GOLGA3: variants seen among roughly 807,000 people sequenced by gnomAD.
GOLGA3 encodes golgin subfamily A member 3.
A neutral mutation model predicts 169.4 loss-of-function variants in GOLGA3; 75 were observed. That is an observed-to-expected ratio of 0.44 (90% CI 0.37 to 0.54). The LOEUF (loss-of-function observed/expected upper bound fraction) is 0.54, where lower values mean the gene tolerates loss of function less well. Ranked by LOEUF, GOLGA3 falls within the 20% of genes least tolerant of loss-of-function variation. GOLGA3 has a pLI of 0.00. For missense variants in GOLGA3, 1,899 were observed against 1,930.0 expected (o/e 0.98, Z 0.30); for synonymous variants, 824 against 822.4 (o/e 1.00, Z -0.03).
At chr12:132,816,399 C>T in intron 3 of GOLGA3, 141 bp downstream of exon 3, 1 of 769,662 alleles carries the variant, frequency 1.3e-6, no homozygotes, top group South Asian at 1.7e-5. Context: ...GCTAAACTCA[C>T]AGCCCCACGT....
Position 132,804,771 on chromosome 12 carries a change from C to A in GOLGA3, c.1542G>T (p.Arg514Ser). The change falls in exon 7 of 24, where the codon AGG becomes AGT. Residue 514 changes from arginine (R) to serine (S), a missense_variant. Arg to Ser is a moderately radical substitution (Grantham distance 110). Coordinates refer to ENST00000450791, the MANE Select transcript of GOLGA3 (RefSeq NM_001389683.1). The surrounding 1 kb of genome is among the most constrained non-coding windows in gnomAD (Gnocchi z 4.1). Reference protein sequence around the residue: ...DLQVAEEQYQRLMAKVEDMQR... With the variant: ...DLQVAEEQYQSLMAKVEDMQR... The stretch of plus-strand genomic sequence containing the variant: ...GCATGTCCTCTACCTTGGCCATAAG[C>A]CTCTGGTACTGCTCCTCGGCCACCT... 6.2e-7 allele frequency: 1 copy of A among 1,614,234 alleles called. No individual in the cohort carries two copies. The highest frequency in any genetic ancestry group is 8.5e-7 in the Non-Finnish European group (1 of 1,180,036).
chr12:132,798,512 C>A, intron 8 of GOLGA3, 35 bp from the exon 9 acceptor site: 1 of 1,576,814 alleles, frequency 6.3e-7, no homozygotes, highest in South Asian at 1.2e-5. Context: ...AAAAGTTGCT[C>A]AATTTCAAGC....
intron 4 of GOLGA3, among the ~76,000 whole-genome samples, chr12:132,810,120 C>T (rs1427043115): frequency 1.3e-5 from 2 of 152,124 alleles, no homozygotes; most frequent in Non-Finnish European, 2.9e-5. Context: ...TGGTGGCACA[C>T]ACCTGTAATC....
At position 132,804,482 on chromosome 12, in the gene GOLGA3, G is replaced by A. The variant is rs756328256; in HGVS notation, c.1597+234C>T. 2.6e-5 allele frequency among the ~76,000 whole-genome samples: 4 copies of A among 152,190 alleles called. No homozygotes were observed. The highest frequency in any genetic ancestry group is 2.1e-4 in the South Asian group (1 of 4,822). On this transcript the variant is annotated intron_variant, in intron 7 of 23. Coordinates refer to ENST00000450791, the MANE Select transcript of GOLGA3 (RefSeq NM_001389683.1). The surrounding 1 kb of genome is among the most constrained non-coding windows in gnomAD (Gnocchi z 4.1). Reference sequence around the variant, plus strand: ...ACCCTCACAGGCACAGTCACATGCCGACAGAGCTGTCAGCACCAGGGAGGA... The same window carrying A: ...ACCCTCACAGGCACAGTCACATGCCAACAGAGCTGTCAGCACCAGGGAGGA...
rs770057395 is a variant in GOLGA3, at chr12:132,776,972, C to G, written c.3841G>C (p.Val1281Leu). The G allele has an allele frequency of 1.9e-6, 3 of 1,598,204 alleles. No homozygotes were observed. The highest frequency in any genetic ancestry group is 1.7e-5 in the Admixed American group (1 of 57,422). Reference sequence around the variant, plus strand: ...TGAACCGTCACCTCTTGGTTTCCCACGGGCTGTTTGCTGAGCTGCTCGTCC... The same window carrying G: ...TGAACCGTCACCTCTTGGTTTCCCAGGGGCTGTTTGCTGAGCTGCTCGTCC... ...QLDEQLSKQP[V>L]GNQEMENLKW... The change falls in exon 20 of 24, where the codon GTG (valine) becomes CTG (leucine). Residue 1281 changes from valine (V) to leucine (L), a missense_variant. Physicochemically the swap from Val to Leu is conservative, Grantham distance 32. Coordinates refer to ENST00000450791, the MANE Select transcript of GOLGA3 (RefSeq NM_001389683.1).
At chr12:132,810,953 GAAAGTACTA>G (rs1297729615) in intron 4 of GOLGA3, among the ~76,000 whole-genome samples, 1 of 152,216 alleles carries the variant, frequency 6.6e-6, no homozygotes, top group Admixed American at 6.5e-5. Context: ...CAAAATTAGT[GAAAGTACTA>G]AAAGTCTCTG....
chr12:132,812,535 A>C (rs1022512810), intron 4 of GOLGA3, among the ~76,000 whole-genome samples: 42 of 152,258 alleles, frequency 2.8e-4, no homozygotes, highest in African/African-American at 9.9e-4. Flanking sequence ...GAGGGGTCAA[A>C]ATATCAACAT....
At chr12:132,783,685 T>C (rs928480036) in intron 16 of GOLGA3, among the ~76,000 whole-genome samples, 56 of 152,192 alleles carry the variant, frequency 3.7e-4, no homozygotes, top group Non-Finnish European at 6.9e-4. Context: ...TCAAGCGGTT[T>C]ACCTGCCTCA....
intron 15 of GOLGA3, 113 bp downstream of exon 15, chr12:132,786,226 C>A: frequency 1.4e-6 from 1 of 698,354 alleles, no homozygotes; most frequent in Non-Finnish European, 2.4e-6. Flanking sequence ...AGAGTTGCCA[C>A]CTCCCACGCG....
chr12:132,821,491 C>T (rs1244412042), intron 2 of GOLGA3, among the ~76,000 whole-genome samples: 1 of 152,018 alleles, frequency 6.6e-6, no homozygotes, highest in Admixed American at 6.6e-5. Flanking sequence ...TGCTGCCCCA[C>T]ACGTTTAATG....
Position 132,807,256 on chromosome 12 carries a change from T to C in GOLGA3, c.1211A>G (p.Gln404Arg). Residue 404 changes from glutamine to arginine, a missense_variant, in exon 6 of 24, where the codon CAG becomes CGG. Transcript: ENST00000450791. ...TTTGAGCACCTGCAGCATCTCCTCC[T>C]GTGTTTCTGCTGCAGAGCTCTCCAA... ...VSLESSAAET[Q>R]EEMLQVLKEK... 1 of 1,589,048 alleles carries C rather than the reference T, an allele frequency of 6.3e-7. No homozygotes were observed. Among genetic ancestry groups the C allele is most frequent in the Non-Finnish European group, 8.6e-7 (1 of 1,165,832 alleles).
chr12:132,774,165 C>A lies in GOLGA3; in HGVS notation c.4299G>T (p.Gln1433His). The A allele has an allele frequency of 6.3e-7, 1 of 1,597,878 alleles. No individual in the cohort carries two copies. The highest frequency in any genetic ancestry group is 1.1e-5 in the South Asian group (1 of 89,900). ...EPLKNLNSCL[Q>H]QLKQEMDSLQ... Reference sequence around the variant, plus strand: ...ACGGAATACGGTCGTACTTGAGCTGCTGGAGGCAGCTGTTCAGGTTCTTGA... The same window carrying A: ...ACGGAATACGGTCGTACTTGAGCTGATGGAGGCAGCTGTTCAGGTTCTTGA... Residue 1433 changes from glutamine to histidine, a missense_variant, in exon 23 of 24, where the codon CAG (glutamine) becomes CAT (histidine). Transcript: ENST00000450791.
chr12:132,798,974 C>T (rs1224426266), intron 8 of GOLGA3, among the ~76,000 whole-genome samples: 3 of 152,206 alleles, frequency 2.0e-5, no homozygotes, highest in East Asian at 1.9e-4. Context: ...GCTGGCCAAG[C>T]GTCTCGTGAA....
chr12:132,816,429 G>T, intron 3 of GOLGA3, 111 bp downstream of exon 3: 3 of 1,111,542 alleles, frequency 2.7e-6, no homozygotes, highest in Non-Finnish European at 4.0e-6. Flanking sequence ...ATGGCACACG[G>T]CAGGCACAGG....
intron 6 of GOLGA3, among the ~76,000 whole-genome samples, chr12:132,806,060 C>T (rs1471714054): frequency 1.3e-5 from 2 of 152,212 alleles, no homozygotes; most frequent in African/African-American, 4.8e-5. Flanking sequence ...CGCCCCACCA[C>T]CTGCCCCCAC....
chr12:132,786,786 G>T lies in GOLGA3; in HGVS notation c.2813C>A (p.Ser938Ter). ...ERDEMETHLQ[S>*]LQFDKEQMVA... ...CATCTGCTCCTTATCGAACTGCAAC[G>T]ACTGTGGAAGGGAAGGAGGGCGTGA... Residue 938 changes from serine (S) to a stop codon, truncating the protein, a stop_gained and splice_region_variant, in exon 14 of 24, where the codon TCG (serine) becomes TAG (stop). Coordinates refer to ENST00000450791, the MANE Select transcript of GOLGA3 (RefSeq NM_001389683.1). LOFTEE classifies it high-confidence loss of function. 6.2e-7 allele frequency: 1 copy of T among 1,605,024 alleles called. No homozygotes were observed. The highest frequency in any genetic ancestry group is 8.5e-7 in the Non-Finnish European group (1 of 1,171,910).
At position 132,786,570 on chromosome 12, in the gene GOLGA3, G is replaced by C. The variant is rs1302671708; in HGVS notation, c.2907-15C>G. ...CCGTGATGGCCCTGGGGTGTCATGA[G>C]GGAGACACAGGAGGAAGCTGAATTA... On this transcript the variant is annotated splice_polypyrimidine_tract_variant and intron_variant, in intron 14 of 23. Transcript: ENST00000450791. 2 of 1,611,380 alleles carry C rather than the reference G, an allele frequency of 1.2e-6. No homozygotes were observed. The highest frequency in any genetic ancestry group is 1.7e-6 in the Non-Finnish European group (2 of 1,178,042).
chr12:132,808,694 G>T lies in GOLGA3; in HGVS notation c.520-145C>A, dbSNP rs1048658637. On this transcript the variant is annotated intron_variant, in intron 4 of 23. Coordinates refer to ENST00000450791, the MANE Select transcript of GOLGA3 (RefSeq NM_001389683.1). ...ACCTCCCCAGCCCCTCACCACACAG[G>T]GTGCGGCCAGGCCTCCGATCCGTGG... 6 of 706,610 alleles carry T rather than the reference G, an allele frequency of 8.5e-6. 1 individual carries two copies. The South Asian group carries it at 1.1e-4, about 12-fold the overall frequency. The allele number at this position is 706,610 out of a possible 1,614,324, so 43.8% of individuals were successfully genotyped here. A position where few individuals can be genotyped will look rare whatever the true frequency, so the allele number is the denominator to read the frequency against.
intron 7 of GOLGA3, among the ~76,000 whole-genome samples, chr12:132,803,605 G>C (rs986568352): frequency 6.6e-6 from 1 of 152,172 alleles, no homozygotes; most frequent in Admixed American, 6.5e-5. Context: ...AAGGGATTGG[G>C]TATCACGAAA....
Sources: allele counts gnomAD v4.1 joint callset (sites outside exome capture counted in the v4.1 genomes callset), GRCh38; gene constraint gnomAD v4.1.1; non-coding constraint Gnocchi (gnomAD v3.1); transcripts MANE v1.5; gene names NCBI Gene and HGNC (gene_info 2026-07-23, HGNC 2026-07-21).